SEL1L2: variants seen among roughly 807,000 people sequenced by gnomAD.
The protein encoded by SEL1L2 is SEL1L2 adaptor subunit of SYVN1 ubiquitin ligase.
In SEL1L2, 89 loss-of-function variants were observed where a neutral mutation model predicts 98.8. The ratio of observed to expected loss-of-function variants is 0.90; its 90% CI spans 0.76 to 1.07. The LOEUF (loss-of-function observed/expected upper bound fraction) is 1.07, where lower values mean the gene tolerates loss of function less well. SEL1L2 is among the 50% of genes least tolerant of loss of function. The pLI, the probability that SEL1L2 is intolerant of heterozygous loss-of-function variation, is 0.00. For synonymous variants in SEL1L2, 262 were observed against 278.5 expected, an observed-to-expected ratio of 0.94 and a Z score of 0.59; for missense variants, 788 against 812.0, an observed-to-expected ratio of 0.97 and a Z score of 0.36.
chr20:13,930,446 T>C (rs1321521732), intron 3 of SEL1L2, among the ~76,000 whole-genome samples: 1 of 152,234 alleles, frequency 6.6e-6, no homozygotes, highest in Non-Finnish European at 1.5e-5. Context: ...CTTTGTGGTT[T>C]CCCTATATCC....
intron 18 of SEL1L2, among the ~76,000 whole-genome samples, chr20:13,858,103 G>T (rs1731438628): frequency 6.6e-6 from 1 of 152,142 alleles, no homozygotes; most frequent in South Asian, 2.1e-4. Flanking sequence ...AATGAAAAAT[G>T]ATCAGCCAAA....
chr20:13,861,080 C>G (rs919870777), intron 17 of SEL1L2, among the ~76,000 whole-genome samples: 1 of 152,192 alleles, frequency 6.6e-6, no homozygotes, highest in Non-Finnish European at 1.5e-5. Context: ...ACTGCCTATT[C>G]CAGCCTACAA....
At chr20:13,947,009 G>T (rs2050043307) in intron 2 of SEL1L2, among the ~76,000 whole-genome samples, 1 of 152,092 alleles carries the variant, frequency 6.6e-6, no homozygotes. Flanking sequence ...GAACAGCCTG[G>T]GGACCATGGA....
intron 14 of SEL1L2, among the ~76,000 whole-genome samples, chr20:13,867,941 T>G (rs555899961): frequency 6.6e-6 from 1 of 152,152 alleles, no homozygotes; most frequent in Non-Finnish European, 1.5e-5. Flanking sequence ...GTGACCTCCT[T>G]GATGATGTGG....
At chr20:13,926,363 A>C (rs912591560) in intron 3 of SEL1L2, among the ~76,000 whole-genome samples, 1 of 152,186 alleles carries the variant, frequency 6.6e-6, no homozygotes, top group Non-Finnish European at 1.5e-5. Context: ...AGTGACCTTC[A>C]GAACCACATC....
At chr20:13,915,488 C>T (rs763292749) in intron 4 of SEL1L2, among the ~76,000 whole-genome samples, 100 of 152,180 alleles carry the variant, frequency 6.6e-4, no homozygotes, top group Non-Finnish European at 1.0e-4. Context: ...ACGTGGCTTG[C>T]TGCTGCAACT....
intron 1 of SEL1L2, among the ~76,000 whole-genome samples, chr20:13,968,762 T>G (rs978702092): frequency 2.0e-4 from 31 of 152,290 alleles, no homozygotes; most frequent in Middle Eastern, 6.8e-3. Flanking sequence ...TGAGAAAACA[T>G]TCCCTGGACT....
Position 13,897,894 on chromosome 20 carries a change from A to C in SEL1L2, c.550-9382T>G, listed in dbSNP as rs977845898. Among the ~76,000 whole-genome samples, 20 of 149,530 alleles carry C rather than the reference A, an allele frequency of 1.3e-4. No homozygotes were observed. The South Asian group carries it at 3.2e-3, about 24-fold the overall frequency. On this transcript the variant is annotated intron_variant, in intron 5 of 19. Transcript: ENST00000284951. ...AAACAAAAAAACAAAACAAAAAAAA[A>C]CCCCACAATAAGATATTACTTCATA...
chr20:13,886,777 A>G (rs756632867), intron 8 of SEL1L2, among the ~76,000 whole-genome samples: 2 of 151,918 alleles, frequency 1.3e-5, no homozygotes, highest in Non-Finnish European at 2.9e-5. Flanking sequence ...AATCCCAGAT[A>G]CCTGGGAAGC....
chr20:13,869,261 G>A (rs920692613), intron 14 of SEL1L2, among the ~76,000 whole-genome samples: 1 of 152,050 alleles, frequency 6.6e-6, no homozygotes, highest in Non-Finnish European at 1.5e-5. Context: ...GGATGTGCAC[G>A]GGATATCGCT....
chr20:13,884,002 C>T (rs1050177721), intron 10 of SEL1L2, among the ~76,000 whole-genome samples: 5 of 152,246 alleles, frequency 3.3e-5, no homozygotes, highest in Admixed American at 2.6e-4. Context: ...GATCTTCAAC[C>T]GAGCTGTCTT....
intron 1 of SEL1L2, among the ~76,000 whole-genome samples, chr20:13,981,323 G>C (rs993255055): frequency 1.3e-5 from 2 of 152,110 alleles, no homozygotes; most frequent in Non-Finnish European, 2.9e-5. Flanking sequence ...GGGGAATGGG[G>C]AGAGGTTGGT....
chr20:13,983,019 A>T (rs1434285234), intron 1 of SEL1L2, among the ~76,000 whole-genome samples: 4 of 129,348 alleles, frequency 3.1e-5, no homozygotes, highest in Non-Finnish European at 4.8e-5. Flanking sequence ...GCAAGACTCC[A>T]TCTCAAAAAA....
intron 1 of SEL1L2, among the ~76,000 whole-genome samples, chr20:13,963,484 A>C (rs937307925): frequency 1.3e-5 from 2 of 148,892 alleles, no homozygotes; most frequent in African/African-American, 4.9e-5. Flanking sequence ...TGGGAGGCCG[A>C]GGTGGGCAGA....
At chr20:13,893,145 C>T (rs2047274716) in intron 5 of SEL1L2, among the ~76,000 whole-genome samples, 1 of 152,126 alleles carries the variant, frequency 6.6e-6, no homozygotes, top group Non-Finnish European at 1.5e-5. Context: ...GACTCTGTTC[C>T]CCACTCCCCT....
chr20:13,851,161 C>T (rs559412377), intron 18 of SEL1L2, among the ~76,000 whole-genome samples: 1 of 151,936 alleles, frequency 6.6e-6, no homozygotes, highest in African/African-American at 2.4e-5. Context: ...CGGGAGGCAG[C>T]GGTTGCAGTG....
chr20:13,972,232 T>C (rs1479334472), intron 1 of SEL1L2, among the ~76,000 whole-genome samples: 1 of 152,240 alleles, frequency 6.6e-6, no homozygotes, highest in Non-Finnish European at 1.5e-5. Flanking sequence ...TTACAAAAAC[T>C]TGGCATATTT....
intron 1 of SEL1L2, among the ~76,000 whole-genome samples, chr20:13,974,564 C>T (rs528912826): frequency 6.1e-5 from 9 of 147,754 alleles, no homozygotes; most frequent in African/African-American, 7.5e-5. Flanking sequence ...CTGCAACCTC[C>T]GCCTCCTGTG....
intron 3 of SEL1L2, among the ~76,000 whole-genome samples, chr20:13,930,773 A>C (rs1177400949): frequency 1.3e-5 from 2 of 152,168 alleles, no homozygotes; most frequent in Non-Finnish European, 2.9e-5. Context: ...TTTCTTCTCC[A>C]TAACCCATGG....
Sources: allele counts gnomAD v4.1 joint callset (sites outside exome capture counted in the v4.1 genomes callset), GRCh38; gene constraint gnomAD v4.1.1; transcripts MANE v1.5; gene names NCBI Gene and HGNC (gene_info 2026-07-23, HGNC 2026-07-21).